Variants in L3MBTL3 observed in about 807,000 individuals in gnomAD.
L3MBTL3 encodes the protein L3MBTL histone methyl-lysine binding protein 3, also known as lethal(3)malignant brain tumor-like protein 3.
In L3MBTL3, 27 loss-of-function variants were observed where a neutral mutation model predicts 102.3. The ratio of observed to expected loss-of-function variants is 0.26; its 90% CI spans 0.19 to 0.36. The LOEUF (loss-of-function observed/expected upper bound fraction) is 0.36. Among genes scored for constraint, L3MBTL3 ranks in the 10% least tolerant of loss-of-function variants. The pLI is 1.00. For missense variants in L3MBTL3, 798 were observed against 955.3 expected, an observed-to-expected ratio of 0.84 and a Z score of 2.17; for synonymous variants, 340 against 320.9, an observed-to-expected ratio of 1.06 and a Z score of -0.64.
intron 19 of L3MBTL3, among the ~76,000 whole-genome samples, chr6:130,114,923 A>G (rs59210899): frequency 1.3e-5 from 2 of 152,022 alleles, no homozygotes; most frequent in Non-Finnish European, 2.9e-5. Flanking sequence ...GTCGCTCTTC[A>G]TTTGTACGAG....
At chr6:130,131,805 G>A (rs749588533) in intron 20 of L3MBTL3, among the ~76,000 whole-genome samples, 28 of 152,204 alleles carry the variant, frequency 1.8e-4, no homozygotes, top group South Asian at 8.3e-4. Context: ...TGGTGAGAGT[G>A]TAGCAGTGAG....
intron 13 of L3MBTL3, among the ~76,000 whole-genome samples, chr6:130,071,864 C>T (rs940751391): frequency 8.6e-5 from 13 of 152,042 alleles, no homozygotes; most frequent in Admixed American, 6.6e-5. Context: ...ATTCAGTAGA[C>T]ACATTGATAA....
intron 12 of L3MBTL3, among the ~76,000 whole-genome samples, chr6:130,068,921 T>C (rs1782450652): frequency 6.6e-6 from 1 of 152,224 alleles, no homozygotes; most frequent in African/African-American, 2.4e-5. Flanking sequence ...TTCCATAACA[T>C]GTTCCTCCAT....
intron 17 of L3MBTL3, among the ~76,000 whole-genome samples, chr6:130,094,054 G>A (rs1383001136): frequency 6.6e-6 from 1 of 152,202 alleles, no homozygotes; most frequent in African/African-American, 2.4e-5. Flanking sequence ...GATAACTAGT[G>A]TGAATAGTCA....
intron 2 of L3MBTL3, among the ~76,000 whole-genome samples, chr6:130,037,467 A>C (rs1001185278): frequency 5.2e-4 from 79 of 151,982 alleles, no homozygotes; most frequent in African/African-American, 1.9e-3. Flanking sequence ...CTTTATAGGC[A>C]GTCGATATCA....
At chr6:130,066,976 G>T (rs891784009) in intron 11 of L3MBTL3, among the ~76,000 whole-genome samples, 2 of 152,124 alleles carry the variant, frequency 1.3e-5, no homozygotes, top group Admixed American at 6.5e-5. Flanking sequence ...TGGCTTAGGT[G>T]GGGGGTTGAA....
intron 14 of L3MBTL3, among the ~76,000 whole-genome samples, chr6:130,079,660 A>G (rs763133058): frequency 1.3e-5 from 2 of 152,178 alleles, no homozygotes; most frequent in Non-Finnish European, 2.9e-5. Context: ...TGGGTTTACT[A>G]GGAGCTGTTT....
chr6:130,060,976 C>T (rs1781856213), intron 10 of L3MBTL3, among the ~76,000 whole-genome samples: 1 of 151,898 alleles, frequency 6.6e-6, no homozygotes, highest in Non-Finnish European at 1.5e-5. Context: ...CTGCAGAACA[C>T]AGTACCATGT....
At chr6:130,070,864 T>C in intron 12 of L3MBTL3, 112 bp from the exon 13 acceptor site, 1 of 523,946 alleles carries the variant, frequency 1.9e-6, no homozygotes, top group Non-Finnish European at 3.1e-6. Flanking sequence ...TTTTAAATTA[T>C]GTGAATACAG....
At chr6:130,033,940 A>G (rs965916745) in intron 2 of L3MBTL3, among the ~76,000 whole-genome samples, 1 of 152,180 alleles carries the variant, frequency 6.6e-6, no homozygotes, top group Non-Finnish European at 1.5e-5. Context: ...CAGTAATCCA[A>G]ATTTCTTCCC....
chr6:130,030,005 G>A (rs928092584), intron 2 of L3MBTL3, among the ~76,000 whole-genome samples: 6 of 151,940 alleles, frequency 3.9e-5, no homozygotes, highest in African/African-American at 1.4e-4. Flanking sequence ...TGTATTTTCA[G>A]TCACCACCAC....
At chr6:130,065,904 GA>G (rs141502317) in intron 10 of L3MBTL3, among the ~76,000 whole-genome samples, 3,956 of 152,084 alleles carry the variant, frequency 0.026, 128 homozygotes, top group East Asian at 0.079. Flanking sequence ...CTTTGGTGGA[GA>G]AAAAAAGCTT....
chr6:130,081,223 A>G (rs977205701), intron 14 of L3MBTL3, among the ~76,000 whole-genome samples: 13 of 152,352 alleles, frequency 8.5e-5, no homozygotes, highest in African/African-American at 3.1e-4. Flanking sequence ...AGTTATCTCT[A>G]TTAATATTTT....
At chr6:130,089,280 T>C (rs1470150986) in intron 16 of L3MBTL3, among the ~76,000 whole-genome samples, 2 of 145,832 alleles carry the variant, frequency 1.4e-5, no homozygotes, top group Non-Finnish European at 3.0e-5. Flanking sequence ...AGTTTTCTCA[T>C]TGTTCAGTTC....
rs545314802 is a variant in L3MBTL3 at position 130,139,873 on chromosome 6, C to T, written c.*120C>T. 5.1e-4 allele frequency: 440 copies of T among 856,368 alleles called. 7 individuals are homozygous for T. The South Asian group carries it at 5.7e-3, about 11-fold the overall frequency. 53.0% of individuals were successfully genotyped at this position (856,368 alleles called of 1,614,324 possible). ...CCAAAACTCAAAAGAGCAACACTAT[C>T]GGATTATTTATATTACTCAAGAGAC... On this transcript the variant is annotated 3_prime_UTR_variant, in exon 23 of 23. Transcript: ENST00000361794.
intron 8 of L3MBTL3, among the ~76,000 whole-genome samples, chr6:130,056,847 C>G (rs2114851877): frequency 6.6e-6 from 1 of 152,286 alleles, no homozygotes; most frequent in South Asian, 2.1e-4. Context: ...TTTCTCTCAG[C>G]TTTGCTACCC....
intron 19 of L3MBTL3, among the ~76,000 whole-genome samples, chr6:130,112,927 T>G (rs1481210260): frequency 1.3e-5 from 2 of 152,196 alleles, no homozygotes; most frequent in Admixed American, 1.3e-4. Flanking sequence ...TGCCAGTGCT[T>G]GCTGTGAAAA....
intron 8 of L3MBTL3, 27 bp downstream of exon 8, chr6:130,055,282 T>A: frequency 6.5e-7 from 1 of 1,548,848 alleles, no homozygotes; most frequent in African/African-American, 1.4e-5. Flanking sequence ...AAAGTCTTAC[T>A]TGTAACTTTA....
chr6:130,072,002 A>G (rs1282000182), intron 13 of L3MBTL3, among the ~76,000 whole-genome samples: 2 of 152,130 alleles, frequency 1.3e-5, no homozygotes, highest in African/African-American at 2.4e-5. Flanking sequence ...TATGTTACCT[A>G]CGCTTTTTGC....
Sources: gnomAD v4.1 joint callset for allele counts (sites outside exome capture counted in the v4.1 genomes callset) on GRCh38, gnomAD v4.1.1 for gene constraint, MANE v1.5 for transcripts, NCBI Gene and HGNC (gene_info 2026-07-23, HGNC 2026-07-21) for gene names.